The following JUP variants were observed in gnomAD, a reference collection of about 807,000 sequenced individuals.
JUP encodes junction plakoglobin.
Under a neutral mutation model 71.1 loss-of-function variants are expected in JUP, and 28 were observed. The ratio of observed to expected loss-of-function variants is 0.39; its 90% CI spans 0.29 to 0.54. The LOEUF is 0.54. JUP is among the 20% of genes least tolerant of loss of function. The pLI, the probability that JUP is intolerant of heterozygous loss-of-function variation, is 0.62. For missense variants in JUP, 869 were observed against 1,030.1 expected (o/e 0.84, Z 2.14); for synonymous variants, 401 against 438.9 (o/e 0.91, Z 1.08).
At chr17:41,781,785 C>T (rs1425085206) in intron 1 of JUP, among the ~76,000 whole-genome samples, 1 of 152,196 alleles carries the variant, frequency 6.6e-6, no homozygotes, top group Non-Finnish European at 1.5e-5. Context: ...GCTGAGTCTC[C>T]ACCTCTCCCT....
At chr17:41,772,166 T>A in intron 1 of JUP, 1 of 477,490 alleles carries the variant, frequency 2.1e-6, no homozygotes, top group Non-Finnish European at 3.9e-6. Flanking sequence ...AAGGGCCAGC[T>A]GCCGCCAGAA....
intron 1 of JUP, among the ~76,000 whole-genome samples, chr17:41,775,700 G>A (rs868984973): frequency 3.9e-5 from 6 of 152,324 alleles, no homozygotes; most frequent in Middle Eastern, 3.4e-3. Context: ...TTAGCAGCAC[G>A]GGAGGAAGAA....
chr17:41,766,882 A>G (rs1915800414), intron 5 of JUP, among the ~76,000 whole-genome samples: 1 of 151,348 alleles, frequency 6.6e-6, no homozygotes, highest in Non-Finnish European at 1.5e-5. Context: ...GAAAGAAAAG[A>G]AAAGGAAAAA....
intron 1 of JUP, among the ~76,000 whole-genome samples, chr17:41,782,913 A>G (rs2047238894): frequency 6.6e-6 from 1 of 152,046 alleles, no homozygotes; most frequent in Non-Finnish European, 1.5e-5. Context: ...CCTGACCAAC[A>G]TGGTGAAACC....
intron 5 of JUP, 66 bp downstream of exon 5, chr17:41,767,313 G>A (rs1399980106): frequency 1.2e-5 from 16 of 1,377,050 alleles, no homozygotes; most frequent in Non-Finnish European, 1.5e-5. Flanking sequence ...GCGGCCCAAG[G>A]CTGTGCAGGA....
At chr17:41,774,841 A>G (rs1420807017) in intron 1 of JUP, among the ~76,000 whole-genome samples, 3 of 151,828 alleles carry the variant, frequency 2.0e-5, no homozygotes, top group Non-Finnish European at 2.9e-5. Flanking sequence ...GGTGGCTCAC[A>G]CCTGTAATCC....
At chr17:41,776,922 C>G (rs2046914401) in intron 1 of JUP, among the ~76,000 whole-genome samples, 1 of 152,262 alleles carries the variant, frequency 6.6e-6, no homozygotes, top group Middle Eastern at 3.4e-3. Flanking sequence ...AGGCGAATCA[C>G]TTGAACCTGG....
chr17:41,766,780 G>A (rs537305235), intron 5 of JUP, among the ~76,000 whole-genome samples: 46 of 151,824 alleles, frequency 3.0e-4, no homozygotes, highest in African/African-American at 8.9e-4. Flanking sequence ...GCTTGAACCC[G>A]GGAGGCGAAG....
At position 41,758,410 on chromosome 17, in the gene JUP, G is replaced by A. The variant is rs781900856; in HGVS notation, c.1762C>T (p.Leu588=). Residue 588 remains leucine, a synonymous_variant, in exon 10 of 14, where the codon CTG becomes TTG. Transcript: ENST00000393931. ...MEIFRLNTIP[L]FVQLLYSSVE... is the part of the protein sequence containing the mutation. ...TGCCCCAGACTCACCTGCACAAACAGGGGAATGGTGTTGAGCCGGAAGATC... is the reference window on the plus strand; with the variant it reads ...TGCCCCAGACTCACCTGCACAAACAAGGGAATGGTGTTGAGCCGGAAGATC... 6.2e-6 allele frequency: 10 copies of A among 1,613,230 alleles called. No individual in the cohort carries two copies. The highest frequency in any genetic ancestry group is 7.6e-6 in the Non-Finnish European group (9 of 1,180,022).
intron 1 of JUP, 184 bp downstream of exon 1, chr17:41,786,404 C>T (rs2047459890): frequency 6.6e-6 from 1 of 152,148 alleles, no homozygotes; most frequent in East Asian, 1.9e-4. Flanking sequence ...CCGAGGCGCG[C>T]TCGGCCCGAA....
At chr17:41,786,310 G>C (rs569616790) in intron 1 of JUP, 1 of 152,322 alleles carries the variant, frequency 6.6e-6, no homozygotes, top group Non-Finnish European at 1.5e-5. Context: ...CGGGCGAGCT[G>C]CGCGGGCCCC....
At position 41,778,027 on chromosome 17, in the gene JUP, G is replaced by A. The variant is rs113858594; in HGVS notation, c.-8-6165C>T. Among the ~76,000 whole-genome samples the A allele has an allele frequency of 3.3e-3, 504 of 152,282 alleles. 3 individuals are homozygous for A. Among genetic ancestry groups the A allele is most frequent in the Non-Finnish European group, 5.0e-3 (343 of 68,020 alleles). ...CAAAAGGTTGACGTGTGTTGGTGAC[G>A]CAAAATACACAAGTACTCTCATTCC... On this transcript the variant is annotated intron_variant, in intron 1 of 13. Coordinates refer to ENST00000393931, the MANE Select transcript of JUP (RefSeq NM_002230.4).
At chr17:41,767,896 G>A (rs894839880) in intron 4 of JUP, among the ~76,000 whole-genome samples, 3 of 152,190 alleles carry the variant, frequency 2.0e-5, no homozygotes, top group Non-Finnish European at 4.4e-5. Context: ...ACATATTAGA[G>A]AGGCCTTGCA....
intron 1 of JUP, among the ~76,000 whole-genome samples, chr17:41,773,585 G>A (rs928829796): frequency 2.0e-5 from 3 of 152,010 alleles, no homozygotes; most frequent in Non-Finnish European, 4.4e-5. Context: ...ATTTCAGAAG[G>A]AGCCCCCCCA....
chr17:41,776,119 A>C (rs2143804545), intron 1 of JUP: 1 of 294,406 alleles, frequency 3.4e-6, no homozygotes, highest in South Asian at 1.3e-4. Context: ...TGCTGGAAGC[A>C]GACTCAGAAG....
Position 41,769,542 on chromosome 17 carries a change from C to T in JUP, c.344G>A (p.Arg115Gln), listed in dbSNP as rs369722007. ...QVEGQATNLQ[R>Q]LAEPSQLLKS... ...GAGCAGCTGGGACGGCTCGGCCAGT[C>T]GCTGCAGGTTGGTGGCCTGCCCCTC... Residue 115 changes from arginine (R) to glutamine (Q), a missense_variant, in exon 3 of 14, where the codon CGA (arginine) becomes CAA (glutamine). Coordinates refer to ENST00000393931, the MANE Select transcript of JUP (RefSeq NM_002230.4). 29 of 1,609,486 alleles carry T rather than the reference C, an allele frequency of 1.8e-5. No homozygotes were observed. Among genetic ancestry groups the T allele is most frequent in the Middle Eastern group, 1.6e-4 (1 of 6,070 alleles).
intron 1 of JUP, chr17:41,775,984 A>G: frequency 1.0e-6 from 1 of 985,396 alleles, no homozygotes; most frequent in Non-Finnish European, 1.2e-6. Context: ...GAGCTACACC[A>G]GGCTCCTTCC....
chr17:41,756,757 G>A lies in JUP; in HGVS notation c.2047-543C>T, dbSNP rs1338976237. Among the ~76,000 whole-genome samples, 15 of 151,924 alleles carry A rather than the reference G, an allele frequency of 9.9e-5. 1 individual carries two copies. The highest frequency in any genetic ancestry group is 5.3e-4 in the Admixed American group (8 of 15,232). On this transcript the variant is annotated intron_variant, in intron 12 of 13. Coordinates refer to ENST00000393931, the MANE Select transcript of JUP (RefSeq NM_002230.4). The stretch of plus-strand genomic sequence containing the variant: ...TCTACTAAAAATAGAAAAATTAGCC[G>A]GGTGTGGTAGCGTGCACCTGTAGTC...
intron 1 of JUP, among the ~76,000 whole-genome samples, chr17:41,783,214 A>G (rs1273394919): frequency 6.6e-6 from 1 of 151,990 alleles, no homozygotes; most frequent in African/African-American, 2.4e-5. Context: ...CTCGCTGTAC[A>G]ACATTGGGGA....
Sources: gnomAD v4.1 joint callset for allele counts (sites outside exome capture counted in the v4.1 genomes callset) on GRCh38, gnomAD v4.1.1 for gene constraint, MANE v1.5 for transcripts, NCBI Gene and HGNC (gene_info 2026-07-23, HGNC 2026-07-21) for gene names.